Variants in ANXA10 observed in about 807,000 individuals in gnomAD.
The protein encoded by ANXA10 is annexin A10.
In ANXA10, 49 loss-of-function variants were observed where a neutral mutation model predicts 53.5. The observed-to-expected ratio is 0.92, with a 90% CI of 0.73 to 1.16. The LOEUF (loss-of-function observed/expected upper bound fraction) is 1.16, where lower values mean the gene tolerates loss of function less well. Ranked by LOEUF, ANXA10 falls within the 50% of genes most tolerant of loss-of-function variation. ANXA10 has a pLI of 0.00. For missense variants in ANXA10, 393 were observed against 394.4 expected, an observed-to-expected ratio of 1.00 and a Z score of 0.03; for synonymous variants, 131 against 128.9, an observed-to-expected ratio of 1.02 and a Z score of -0.11.
chr4:168,168,564 C>A (rs1487384455), intron 6 of ANXA10, among the ~76,000 whole-genome samples: 1 of 152,064 alleles, frequency 6.6e-6, no homozygotes, highest in African/African-American at 2.4e-5. Context: ...GGATTACAGG[C>A]ACGTGCCACC....
chr4:168,121,403 G>A (rs1285178719), intron 1 of ANXA10, among the ~76,000 whole-genome samples: 1 of 151,976 alleles, frequency 6.6e-6, no homozygotes, highest in Non-Finnish European at 1.5e-5. Context: ...ACACATGTTA[G>A]CCGTTTATTT....
At chr4:168,124,139 C>A (rs967203519) in intron 1 of ANXA10, among the ~76,000 whole-genome samples, 2 of 152,110 alleles carry the variant, frequency 1.3e-5, no homozygotes, top group Non-Finnish European at 2.9e-5. Flanking sequence ...CAGTTCCGTG[C>A]CCAGGATAAA....
chr4:168,129,954 C>T (rs973010616), intron 2 of ANXA10, among the ~76,000 whole-genome samples: 40 of 152,196 alleles, frequency 2.6e-4, no homozygotes, highest in African/African-American at 2.4e-4. Flanking sequence ...CCTGGACAAC[C>T]GAAGTCATTT....
At chr4:168,097,611 C>G (rs913933799) in intron 1 of ANXA10, among the ~76,000 whole-genome samples, 11 of 151,990 alleles carry the variant, frequency 7.2e-5, no homozygotes, top group Admixed American at 3.9e-4. Context: ...AAAAATTAAG[C>G]CTTGCTATTA....
At chr4:168,141,891 G>A (rs1198560210) in intron 3 of ANXA10, among the ~76,000 whole-genome samples, 2 of 152,046 alleles carry the variant, frequency 1.3e-5, no homozygotes, top group Non-Finnish European at 2.9e-5. Context: ...TCCACCCCAG[G>A]TTTGTGGGGC....
At position 168,155,780 on chromosome 4, in the gene ANXA10, T is replaced by TATATAATATATGATATATC. The variant is rs1731622609; in HGVS notation, c.196-6743_196-6742insATATATGATATATCATATA. Among the ~76,000 whole-genome samples, 18 of 9,478 alleles carry TATATAATATATGATATATC rather than the reference T, an allele frequency of 1.9e-3. 4 individuals carry two copies. Among genetic ancestry groups the TATATAATATATGATATATC allele is most frequent in the African/African-American group, 0.011 (17 of 1,536 alleles). 6.2% of individuals were successfully genotyped at this position (9,478 alleles called of 152,430 possible). A position where few individuals can be genotyped will look rare whatever the true frequency, so the allele number is the denominator to read the frequency against. On this transcript the variant is annotated intron_variant, in intron 3 of 11. Coordinates refer to ENST00000359299, the MANE Select transcript of ANXA10 (RefSeq NM_007193.5). The stretch of plus-strand genomic sequence containing the variant: ...ATATAATATATGATATATCATATAT[T>TATATAATATATGATATATC]ATATATTATATATAATATATAATAT...
chr4:168,141,648 C>G (rs1478715510), intron 3 of ANXA10, among the ~76,000 whole-genome samples: 2 of 152,084 alleles, frequency 1.3e-5, no homozygotes, highest in East Asian at 3.9e-4. Context: ...CAGCAGAAAT[C>G]TTTACTTGAA....
rs1449096615 is a variant in ANXA10 at position 168,181,631 on chromosome 4, AAT to A, written c.725-47_725-46del. On this transcript the variant is annotated intron_variant, in intron 9 of 11. Coordinates refer to ENST00000359299, the MANE Select transcript of ANXA10 (RefSeq NM_007193.5). The stretch of plus-strand genomic sequence containing the variant: ...TTATTGTTTCTCAAATTCTGACGAA[AAT>A]ATATGTTTTCACTCTCAATGTTTCT... 3.5e-6 allele frequency: 5 copies of A among 1,410,952 alleles called. No individual in the cohort carries two copies. In the African/African-American group the frequency reaches 4.3e-5, roughly 12 times the overall value. 87.4% of individuals were successfully genotyped at this position (1,410,952 alleles called of 1,614,324 possible).
chr4:168,114,410 T>G (rs1410336719), intron 1 of ANXA10, among the ~76,000 whole-genome samples: 1 of 152,206 alleles, frequency 6.6e-6, no homozygotes, highest in Non-Finnish European at 1.5e-5. Context: ...AAATAAAGAT[T>G]AACAATTATC....
At chr4:168,173,177 T>A (rs918744784) in intron 6 of ANXA10, among the ~76,000 whole-genome samples, 11 of 152,086 alleles carry the variant, frequency 7.2e-5, no homozygotes, top group Non-Finnish European at 1.5e-4. Context: ...AGTTAACAAA[T>A]AAATCAATGT....
intron 1 of ANXA10, among the ~76,000 whole-genome samples, chr4:168,121,561 C>A (rs1730985466): frequency 6.6e-6 from 1 of 151,948 alleles, no homozygotes; most frequent in Non-Finnish European, 1.5e-5. Context: ...TTAATAATAT[C>A]AAAGTTAATC....
chr4:168,186,772 A>G (rs747961756), intron 11 of ANXA10, among the ~76,000 whole-genome samples: 20 of 152,198 alleles, frequency 1.3e-4, no homozygotes, highest in Non-Finnish European at 4.4e-5. Flanking sequence ...GTAAAAGAGT[A>G]TTTTTATTGA....
chr4:168,122,804 C>T (rs977536992), intron 1 of ANXA10, among the ~76,000 whole-genome samples: 6 of 152,094 alleles, frequency 3.9e-5, no homozygotes, highest in Admixed American at 1.3e-4. Flanking sequence ...AGGTATCCAC[C>T]CCTATGACCC....
intron 1 of ANXA10, among the ~76,000 whole-genome samples, chr4:168,123,739 GTTA>G (rs1304792114): frequency 6.6e-6 from 1 of 151,978 alleles, no homozygotes; most frequent in African/African-American, 2.4e-5. Context: ...TTGTCAGCAT[GTTA>G]TTTTTTTTTC....
At chr4:168,175,542 T>C (rs543330394) in intron 6 of ANXA10, among the ~76,000 whole-genome samples, 1 of 152,310 alleles carries the variant, frequency 6.6e-6, no homozygotes, top group South Asian at 2.1e-4. Flanking sequence ...CTAATTTTTA[T>C]CTCCAAAATA....
intron 1 of ANXA10, among the ~76,000 whole-genome samples, chr4:168,105,686 TCAC>T (rs1260165074): frequency 2.0e-5 from 3 of 152,162 alleles, no homozygotes; most frequent in Admixed American, 1.3e-4. Context: ...CCTTCAGGAA[TCAC>T]CACATTGTTT....
chr4:168,150,708 G>A (rs978019748), intron 3 of ANXA10, among the ~76,000 whole-genome samples: 10 of 152,156 alleles, frequency 6.6e-5, no homozygotes, highest in African/African-American at 2.4e-4. Flanking sequence ...AAAACATGGT[G>A]GTGTTAGCAT....
chr4:168,128,414 T>C (rs1302887064), intron 2 of ANXA10, among the ~76,000 whole-genome samples: 1 of 152,254 alleles, frequency 6.6e-6, no homozygotes, highest in Admixed American at 6.5e-5. Flanking sequence ...AATCCATAAG[T>C]GCCTCATCAC....
chr4:168,115,163 A>T (rs541360748), intron 1 of ANXA10, among the ~76,000 whole-genome samples: 5 of 152,196 alleles, frequency 3.3e-5, no homozygotes, highest in African/African-American at 7.2e-5. Flanking sequence ...GATTTCAGAC[A>T]TGAGTCACTG....
Sources: allele counts gnomAD v4.1 joint callset (sites outside exome capture counted in the v4.1 genomes callset), GRCh38; gene constraint gnomAD v4.1.1; transcripts MANE v1.5; gene names NCBI Gene and HGNC (gene_info 2026-07-23, HGNC 2026-07-21).